FBXL7: variants seen among roughly 807,000 people sequenced by gnomAD.
FBXL7 encodes F-box/LRR-repeat protein 7.
FBXL7 carries 12 observed loss-of-function variants against 38.3 expected under a neutral mutation model. The observed-to-expected ratio is 0.31, with a 90% confidence interval of 0.20 to 0.51. The LOEUF (loss-of-function observed/expected upper bound fraction) is 0.51. Among genes scored for constraint, FBXL7 ranks in the 20% least tolerant of loss-of-function variants. FBXL7 has a pLI of 0.98. For synonymous variants in FBXL7, 297 were observed against 300.9 expected (o/e 0.99, Z 0.13); for missense variants, 567 against 676.4 (o/e 0.84, Z 1.79).
chr5:15,751,562 T>G (rs188849253), intron 2 of FBXL7, among the ~76,000 whole-genome samples: 64 of 152,342 alleles, frequency 4.2e-4, no homozygotes, highest in African/African-American at 1.5e-3. Flanking sequence ...TTTATAAGAA[T>G]AGTGAATATT....
At chr5:15,699,061 C>T (rs763866700) in intron 2 of FBXL7, among the ~76,000 whole-genome samples, 21 of 152,064 alleles carry the variant, frequency 1.4e-4, no homozygotes, top group Non-Finnish European at 2.2e-4. Flanking sequence ...GTCTTCAGAG[C>T]ACATTTTGAT....
intron 2 of FBXL7, among the ~76,000 whole-genome samples, chr5:15,846,815 C>A (rs958843510): frequency 6.6e-6 from 1 of 151,912 alleles, no homozygotes; most frequent in Admixed American, 6.6e-5. Context: ...TCAGTAAAAA[C>A]AAAATAAATG....
chr5:15,662,467 G>A (rs893880684), intron 2 of FBXL7, among the ~76,000 whole-genome samples: 1 of 152,108 alleles, frequency 6.6e-6, no homozygotes, highest in Non-Finnish European at 1.5e-5. Context: ...TGTTTACTCT[G>A]TTGATAGTTT....
intron 2 of FBXL7, among the ~76,000 whole-genome samples, chr5:15,782,826 G>A (rs1737033937): frequency 6.6e-6 from 1 of 152,132 alleles, no homozygotes; most frequent in Non-Finnish European, 1.5e-5. Flanking sequence ...TGGGATTGTG[G>A]GGGTGGCCAA....
rs1742027442 is a variant in FBXL7, at chr5:15,660,514, G to GCC, written c.127+44443_127+44444dup. Among the ~76,000 whole-genome samples the GCC allele has an allele frequency of 2.6e-5, 4 of 152,112 alleles. No individual in the cohort carries two copies. In the South Asian group the frequency reaches 8.3e-4, roughly 32 times the overall value. On this transcript the variant is annotated intron_variant, in intron 2 of 3. Coordinates refer to ENST00000504595, the MANE Select transcript of FBXL7 (RefSeq NM_012304.5). ...TGGGATTACAGGCATCCACCACCAT[G>GCC]CCTGGCTAATTTTGTATTTTTTTGG...
At chr5:15,723,033 A>T (rs1490572216) in intron 2 of FBXL7, among the ~76,000 whole-genome samples, 2 of 152,218 alleles carry the variant, frequency 1.3e-5, no homozygotes, top group Non-Finnish European at 2.9e-5. Flanking sequence ...ACTATAAAGT[A>T]ATGATAAGAT....
intron 2 of FBXL7, among the ~76,000 whole-genome samples, chr5:15,869,258 A>G (rs76646608): frequency 0.043 from 6,485 of 152,302 alleles, 137 homozygotes; most frequent in Middle Eastern, 0.068. Context: ...CACTAGGTCT[A>G]GCCCATAGTT....
intron 2 of FBXL7, among the ~76,000 whole-genome samples, chr5:15,726,772 T>TAA (rs1469549617): frequency 6.6e-6 from 1 of 152,136 alleles, no homozygotes; most frequent in Admixed American, 6.5e-5. Context: ...TCTTGTCTTT[T>TAA]AGTCCATTCT....
intron 2 of FBXL7, among the ~76,000 whole-genome samples, chr5:15,771,579 TG>T (rs1207849284): frequency 6.6e-6 from 1 of 152,128 alleles, no homozygotes; most frequent in Non-Finnish European, 1.5e-5. Flanking sequence ...AACCTCTGGC[TG>T]GGAATCAGGA....
At chr5:15,549,036 T>C (rs1737992949) in intron 1 of FBXL7, among the ~76,000 whole-genome samples, 1 of 152,116 alleles carries the variant, frequency 6.6e-6, no homozygotes, top group Non-Finnish European at 1.5e-5. Flanking sequence ...GTGGGCAAAA[T>C]ATGGGGGAGG....
At chr5:15,762,133 A>C (rs2126699475) in intron 2 of FBXL7, among the ~76,000 whole-genome samples, 1 of 152,232 alleles carries the variant, frequency 6.6e-6, no homozygotes, top group East Asian at 1.9e-4. Flanking sequence ...TTCTAAACTC[A>C]CATAGCTGAT....
At chr5:15,555,823 G>GATAGA (rs1738212609) in intron 1 of FBXL7, among the ~76,000 whole-genome samples, 1 of 107,188 alleles carries the variant, frequency 9.3e-6, no homozygotes, top group African/African-American at 4.0e-5. Context: ...AGATAGATAG[G>GATAGA]TGATAGATGA....
intron 1 of FBXL7, among the ~76,000 whole-genome samples, chr5:15,571,762 C>T (rs1738794190): frequency 6.6e-6 from 1 of 151,984 alleles, no homozygotes; most frequent in Non-Finnish European, 1.5e-5. Context: ...CACTGGTGGA[C>T]ATGTGCCTTC....
intron 1 of FBXL7, among the ~76,000 whole-genome samples, chr5:15,570,891 G>A (rs1352016407): frequency 2.0e-5 from 3 of 152,092 alleles, no homozygotes; most frequent in Non-Finnish European, 2.9e-5. Flanking sequence ...TCGGGAGTTC[G>A]AGACCAGGCT....
chr5:15,588,068 T>C (rs1561040163), intron 1 of FBXL7, among the ~76,000 whole-genome samples: 2 of 152,218 alleles, frequency 1.3e-5, no homozygotes, highest in Admixed American at 1.3e-4. Context: ...TCAGATTTAA[T>C]GTCCAGCAGA....
intron 2 of FBXL7, among the ~76,000 whole-genome samples, chr5:15,646,761 G>A (rs889560740): frequency 3.3e-5 from 5 of 152,214 alleles, no homozygotes; most frequent in East Asian, 1.9e-4. Context: ...GAGACCTTAT[G>A]TTCTGGACTA....
chr5:15,541,443 GTATATATATATATATATA>G (rs56810372), intron 1 of FBXL7, among the ~76,000 whole-genome samples: 21 of 38,444 alleles, frequency 5.5e-4, no homozygotes, highest in South Asian at 3.8e-3. Context: ...GTGTGTGTGT[GTATATATATATATATATA>G]TATATATATA....
At chr5:15,810,817 G>A (rs1241927012) in intron 2 of FBXL7, among the ~76,000 whole-genome samples, 1 of 151,938 alleles carries the variant, frequency 6.6e-6, no homozygotes. Context: ...AAAATCCAAG[G>A]GACAGATCTC....
chr5:15,798,586 C>T (rs934342812), intron 2 of FBXL7, among the ~76,000 whole-genome samples: 2 of 152,152 alleles, frequency 1.3e-5, no homozygotes, highest in African/African-American at 2.4e-5. Context: ...ACTTGGAAGG[C>T]GTTTGCTGAT....
Sources: allele counts gnomAD v4.1 joint callset (sites outside exome capture counted in the v4.1 genomes callset), GRCh38; gene constraint gnomAD v4.1.1; transcripts MANE v1.5; gene names NCBI Gene and HGNC (gene_info 2026-07-23, HGNC 2026-07-21).